Variants in DENND1B observed in about 807,000 individuals in gnomAD.
DENND1B encodes the protein DENN domain containing 1B, also known as DENN domain-containing protein 1B.
DENND1B carries 59 observed loss-of-function variants against 90.1 expected under a neutral mutation model. The observed-to-expected ratio is 0.65, with a 90% CI of 0.53 to 0.81. The LOEUF (loss-of-function observed/expected upper bound fraction) is 0.81, where lower values mean the gene tolerates loss of function less well. DENND1B is among the 40% of genes least tolerant of loss of function. The pLI is 0.00. For synonymous variants in DENND1B, 337 were observed against 324.6 expected, an observed-to-expected ratio of 1.04 and a Z score of -0.41; for missense variants, 862 against 912.6, an observed-to-expected ratio of 0.94 and a Z score of 0.71.
chr1:197,609,883 T>C (rs567901259), intron 12 of DENND1B, among the ~76,000 whole-genome samples: 138 of 150,812 alleles, frequency 9.2e-4, no homozygotes, highest in African/African-American at 3.2e-3. Context: ...CAGTCTTACA[T>C]ACTAAATATG....
intron 14 of DENND1B, among the ~76,000 whole-genome samples, chr1:197,592,764 T>C (rs1035613332): frequency 1.3e-5 from 2 of 152,188 alleles, no homozygotes; most frequent in Non-Finnish European, 2.9e-5. Flanking sequence ...AGATGGCACC[T>C]GAGACTGATC....
intron 19 of DENND1B, 127 bp from the exon 20 acceptor site, chr1:197,540,198 A>T (rs1010213337): frequency 4.5e-6 from 2 of 439,652 alleles, no homozygotes; most frequent in Non-Finnish European, 7.7e-6. Flanking sequence ...TTTAAGTGTA[A>T]AGAATCTATT....
rs1372968733 is a variant in DENND1B at position 197,547,620 on chromosome 1, AT to A, written c.1241-848del. On this transcript the variant is annotated intron_variant, in intron 16 of 22. Coordinates refer to ENST00000620048, the MANE Select transcript of DENND1B (RefSeq NM_001195215.2). ...TCTGGAGGATGAAACATGAAGACAA[AT>A]TTTTTTTCTTAACTTGTGAAATAAC... 2.6e-5 allele frequency among the ~76,000 whole-genome samples: 4 copies of A among 152,074 alleles called. 1 individual carries two copies. The South Asian group carries it at 8.3e-4, about 32-fold the overall frequency.
intron 3 of DENND1B, among the ~76,000 whole-genome samples, chr1:197,701,257 G>T (rs922804527): frequency 1.3e-5 from 2 of 152,182 alleles, no homozygotes; most frequent in Non-Finnish European, 2.9e-5. Context: ...CCATACAAAG[G>T]AATGAGATAA....
At chr1:197,594,044 C>T (rs1391914317) in intron 14 of DENND1B, among the ~76,000 whole-genome samples, 1 of 152,028 alleles carries the variant, frequency 6.6e-6, no homozygotes, top group Non-Finnish European at 1.5e-5. Context: ...TTTTAAGACT[C>T]CCCCATGTGA....
intron 20 of DENND1B, among the ~76,000 whole-genome samples, chr1:197,516,307 A>G (rs191711196): frequency 6.6e-6 from 1 of 151,990 alleles, no homozygotes; most frequent in African/African-American, 2.4e-5. Context: ...CATTGAATAT[A>G]TATCAACCTG....
intron 14 of DENND1B, among the ~76,000 whole-genome samples, chr1:197,594,045 C>T (rs775633281): frequency 6.6e-5 from 10 of 152,018 alleles, no homozygotes; most frequent in Non-Finnish European, 1.3e-4. Flanking sequence ...TTTAAGACTC[C>T]CCCATGTGAG....
intron 5 of DENND1B, among the ~76,000 whole-genome samples, chr1:197,665,869 A>G (rs1654890527): frequency 1.3e-5 from 2 of 152,078 alleles, no homozygotes; most frequent in Non-Finnish European, 2.9e-5. Context: ...AGGATATTGG[A>G]AAGACAATAG....
At chr1:197,556,845 T>C (rs1671760280) in intron 15 of DENND1B, among the ~76,000 whole-genome samples, 1 of 151,986 alleles carries the variant, frequency 6.6e-6, no homozygotes, top group Non-Finnish European at 1.5e-5. Context: ...CACCACCTTT[T>C]CTATCTCTGT....
At chr1:197,754,617 T>C (rs2477063) in intron 2 of DENND1B, among the ~76,000 whole-genome samples, 122,209 of 144,526 alleles carry the variant, frequency 0.85, 51,688 homozygotes, top group African/African-American at 0.92. Flanking sequence ...AAGATCGTGC[T>C]ACGCCGCACT....
chr1:197,760,806 G>A (rs183330446), intron 2 of DENND1B, among the ~76,000 whole-genome samples: 14 of 151,984 alleles, frequency 9.2e-5, no homozygotes, highest in African/African-American at 2.7e-4. Flanking sequence ...ATTATACTGC[G>A]GGCTCATTTA....
At chr1:197,579,951 C>T (rs1674049656) in intron 15 of DENND1B, among the ~76,000 whole-genome samples, 1 of 151,954 alleles carries the variant, frequency 6.6e-6, no homozygotes, top group South Asian at 2.1e-4. Context: ...TTAAACATGG[C>T]TATTTTCATA....
At chr1:197,665,877 T>C (rs928451565) in intron 5 of DENND1B, among the ~76,000 whole-genome samples, 13 of 152,050 alleles carry the variant, frequency 8.5e-5, no homozygotes, top group Non-Finnish European at 1.8e-4. Context: ...GGAAAGACAA[T>C]AGGAGAAACA....
At chr1:197,656,009 G>C (rs536774357) in intron 6 of DENND1B, among the ~76,000 whole-genome samples, 1 of 152,252 alleles carries the variant, frequency 6.6e-6, no homozygotes, top group South Asian at 2.1e-4. Flanking sequence ...TCAGAAGCCA[G>C]ATCATAAAGT....
At chr1:197,681,308 A>T (rs1188857144) in intron 3 of DENND1B, among the ~76,000 whole-genome samples, 4 of 152,140 alleles carry the variant, frequency 2.6e-5, no homozygotes, top group Admixed American at 2.0e-4. Context: ...TAACATTGCA[A>T]AGTTATCCGA....
At chr1:197,634,076 A>T (rs1204214065) in intron 10 of DENND1B, among the ~76,000 whole-genome samples, 1 of 152,130 alleles carries the variant, frequency 6.6e-6, no homozygotes, top group African/African-American at 2.4e-5. Flanking sequence ...CTGCTATCCA[A>T]TGAGCCACAC....
At chr1:197,589,435 T>C (rs1674990882) in intron 14 of DENND1B, among the ~76,000 whole-genome samples, 1 of 152,170 alleles carries the variant, frequency 6.6e-6, no homozygotes, top group African/African-American at 2.4e-5. Context: ...TCAACAGGTC[T>C]ATCTGTGCTC....
At chr1:197,756,850 T>C (rs974356510) in intron 2 of DENND1B, among the ~76,000 whole-genome samples, 1 of 151,466 alleles carries the variant, frequency 6.6e-6, no homozygotes, top group Non-Finnish European at 1.5e-5. Context: ...AAGAAATATT[T>C]GCATAAATGT....
At chr1:197,723,375 G>T (rs1661355568) in intron 2 of DENND1B, among the ~76,000 whole-genome samples, 2 of 152,106 alleles carry the variant, frequency 1.3e-5, no homozygotes, top group African/African-American at 4.8e-5. Flanking sequence ...AGCTGTGGGT[G>T]ATCATGGTAA....
Sources: gnomAD v4.1 joint callset for allele counts (sites outside exome capture counted in the v4.1 genomes callset) on GRCh38, gnomAD v4.1.1 for gene constraint, MANE v1.5 for transcripts, NCBI Gene and HGNC (gene_info 2026-07-23, HGNC 2026-07-21) for gene names.